PSPC1: variants seen among roughly 807,000 people sequenced by gnomAD.
PSPC1 encodes paraspeckle protein 1.
Under a neutral mutation model 51.6 loss-of-function variants are expected in PSPC1, and 14 were observed. The ratio of observed to expected loss-of-function variants is 0.27; its 90% CI spans 0.18 to 0.42. The LOEUF (loss-of-function observed/expected upper bound fraction) is 0.42. Ranked by LOEUF, PSPC1 falls within the 10% of genes least tolerant of loss-of-function variation. The probability of loss-of-function intolerance (pLI) is 1.00; values close to 1 mark genes in which losing one functional copy is unlikely to be tolerated. For missense variants in PSPC1, 406 were observed against 701.1 expected, an observed-to-expected ratio of 0.58 and a Z score of 4.75; for synonymous variants, 193 against 231.9, an observed-to-expected ratio of 0.83 and a Z score of 1.53.
intron 5 of PSPC1, among the ~76,000 whole-genome samples, chr13:19,734,697 G>A (rs1362346282): frequency 1.3e-5 from 2 of 152,148 alleles, no homozygotes; most frequent in Non-Finnish European, 2.9e-5. Context: ...AGTTACTTGG[G>A]AGGCTAAGGC....
At chr13:19,681,399 T>C (rs1267545386) in intron 6 of PSPC1, among the ~76,000 whole-genome samples, 1 of 151,650 alleles carries the variant, frequency 6.6e-6, no homozygotes, top group Non-Finnish European at 1.5e-5. Context: ...TATTATGTAA[T>C]ATATAAATTA....
At chr13:19,745,926 G>A (rs1885926723) in intron 4 of PSPC1, among the ~76,000 whole-genome samples, 1 of 151,360 alleles carries the variant, frequency 6.6e-6, no homozygotes, top group South Asian at 2.1e-4. Context: ...AGGCATGACT[G>A]TTCTGTTCTT....
chr13:19,671,332 T>C (rs1220038625), downstream of PSPC1: 1 of 1,537,714 alleles, frequency 6.5e-7, no homozygotes, highest in Admixed American at 1.7e-5. Flanking sequence ...ACTCAAGTTG[T>C]TGCTCCAGAT....
chr13:19,756,155 T>C (rs540557169), intron 3 of PSPC1, among the ~76,000 whole-genome samples: 9 of 152,154 alleles, frequency 5.9e-5, no homozygotes, highest in African/African-American at 1.9e-4. Flanking sequence ...CAAGAATCAC[T>C]TGAACTCGGG....
chr13:19,704,436 T>C (rs558321596), intron 8 of PSPC1, among the ~76,000 whole-genome samples: 10 of 152,410 alleles, frequency 6.6e-5, no homozygotes, highest in Admixed American at 4.6e-4. Context: ...ATACAATGCA[T>C]TGCTTTTAAC....
chr13:19,775,774 G>C (rs1488241480), intron 1 of PSPC1, among the ~76,000 whole-genome samples: 1 of 152,154 alleles, frequency 6.6e-6, no homozygotes, highest in Non-Finnish European at 1.5e-5. Flanking sequence ...AATAGGGCTG[G>C]GCACAGTGGC....
chr13:19,761,424 A>T (rs980834580), intron 2 of PSPC1, among the ~76,000 whole-genome samples: 1 of 152,138 alleles, frequency 6.6e-6, no homozygotes, highest in African/African-American at 2.4e-5. Flanking sequence ...ATTAAAATCT[A>T]TTTATACTAC....
In PSPC1 at chr13:19,778,240, CA is replaced by C. The variant is rs879620982; in HGVS notation, c.372+4145del. ...GTGGTGACAGAGCAAGATTCCGTCT[CA>C]AAAAAAAAAAATTACACTATCTTAA... On this transcript the variant is annotated intron_variant, in intron 1 of 8. Transcript: ENST00000338910. 8.3e-3 allele frequency among the ~76,000 whole-genome samples: 1,014 copies of C among 122,044 alleles called. 8 individuals carry two copies. The highest frequency in any genetic ancestry group is 0.028 in the African/African-American group (934 of 32,800). 80.1% of individuals were successfully genotyped at this position (122,044 alleles called of 152,430 possible).
intron 6 of PSPC1, among the ~76,000 whole-genome samples, chr13:19,681,384 TTA>T (rs1877252081): frequency 6.6e-6 from 1 of 151,750 alleles, no homozygotes; most frequent in Admixed American, 6.6e-5. Flanking sequence ...GTATTACATG[TTA>T]TATATTATGT....
At chr13:19,683,870 G>A (rs1056605749) in intron 6 of PSPC1, among the ~76,000 whole-genome samples, 8 of 152,114 alleles carry the variant, frequency 5.3e-5, no homozygotes, top group East Asian at 1.9e-4. Flanking sequence ...ATATGGTAAC[G>A]TTTCCTGTAA....
chr13:19,709,944 C>A (rs1327138802), intron 6 of PSPC1, among the ~76,000 whole-genome samples: 13 of 151,984 alleles, frequency 8.6e-5, no homozygotes, highest in Non-Finnish European at 1.8e-4. Flanking sequence ...ATGATAACCA[C>A]CAGAGCCAAT....
At chr13:19,736,081 A>G (rs575873547) in intron 5 of PSPC1, among the ~76,000 whole-genome samples, 3 of 152,058 alleles carry the variant, frequency 2.0e-5, no homozygotes, top group South Asian at 2.1e-4. Flanking sequence ...CGGCCTCCCA[A>G]AGTGCTGGGA....
At chr13:19,676,338 G>C (rs1024296659) in intron 7 of PSPC1, among the ~76,000 whole-genome samples, 8 of 152,164 alleles carry the variant, frequency 5.3e-5, no homozygotes, top group Non-Finnish European at 8.8e-5. Flanking sequence ...TGTGGCTTGA[G>C]AATGTGCATT....
chr13:19,717,284 G>A (rs552852673), intron 6 of PSPC1, among the ~76,000 whole-genome samples: 2 of 151,936 alleles, frequency 1.3e-5, no homozygotes, highest in South Asian at 4.2e-4. Flanking sequence ...AAGTAAACTG[G>A]GCCGGACATG....
intron 6 of PSPC1, among the ~76,000 whole-genome samples, chr13:19,710,752 T>C (rs914105624): frequency 1.3e-5 from 2 of 152,126 alleles, no homozygotes; most frequent in Admixed American, 1.3e-4. Context: ...TGAATGAAGC[T>C]ACGGTACAAC....
intron 6 of PSPC1, among the ~76,000 whole-genome samples, chr13:19,682,075 C>A (rs577485933): frequency 6.6e-6 from 1 of 152,126 alleles, no homozygotes; most frequent in Non-Finnish European, 1.5e-5. Context: ...ACTATGAAAG[C>A]AACAAACATG....
At chr13:19,780,286 T>C (rs1353026917) in intron 1 of PSPC1, among the ~76,000 whole-genome samples, 109 of 126,084 alleles carry the variant, frequency 8.6e-4, no homozygotes, top group South Asian at 2.2e-3. Context: ...CCCCTCTGCC[T>C]GGCCACCACC....
chr13:19,725,190 A>G (rs375726358), intron 6 of PSPC1, among the ~76,000 whole-genome samples: 17 of 152,180 alleles, frequency 1.1e-4, no homozygotes, highest in African/African-American at 4.1e-4. Context: ...AACGAAAAAA[A>G]GATTTTAAAA....
chr13:19,772,602 G>A (rs759674486), intron 1 of PSPC1, 59 bp from the exon 2 acceptor site: 9 of 1,504,752 alleles, frequency 6.0e-6, no homozygotes, highest in Non-Finnish European at 8.0e-6. Flanking sequence ...ATTCAAAACA[G>A]TGTTTGGCTT....
Sources: gnomAD v4.1 joint callset for allele counts (sites outside exome capture counted in the v4.1 genomes callset) on GRCh38, gnomAD v4.1.1 for gene constraint, MANE v1.5 for transcripts, NCBI Gene and HGNC (gene_info 2026-07-23, HGNC 2026-07-21) for gene names.